CDC20: variants seen among roughly 807,000 people sequenced by gnomAD.
The protein encoded by CDC20 is cell division cycle protein 20 homolog.
Under a neutral mutation model 60.0 loss-of-function variants are expected in CDC20, and 34 were observed. The observed-to-expected ratio is 0.57, with a 90% confidence interval of 0.43 to 0.75. The LOEUF is 0.75. Ranked by LOEUF, CDC20 falls within the 30% of genes least tolerant of loss-of-function variation. The pLI is 0.00. For synonymous variants in CDC20, 198 were observed against 243.5 expected, an observed-to-expected ratio of 0.81 and a Z score of 1.74; for missense variants, 469 against 647.3, an observed-to-expected ratio of 0.72 and a Z score of 2.99.
Position 43,360,967 on chromosome 1 carries a change from T to C in CDC20, c.1077+6T>C. On this transcript the variant is annotated splice_donor_region_variant and intron_variant, in intron 8 of 10. Coordinates refer to ENST00000310955, the MANE Select transcript of CDC20 (RefSeq NM_001255.3). ...AGCATCAAGGGGCTGTCAAGGTGAG[T>C]AGGGTTGGGCTGAAGCCTCTGCAGA... is the stretch of plus-strand genomic sequence containing the variant. 3 of 1,611,050 alleles carry C rather than the reference T, an allele frequency of 1.9e-6. No homozygotes were observed. The highest frequency in any genetic ancestry group is 2.5e-6 in the Non-Finnish European group (3 of 1,177,430).
Position 43,360,393 on chromosome 1 carries a change from A to C in CDC20, c.753+4A>C. On this transcript the variant is annotated splice_donor_region_variant and intron_variant, in intron 6 of 10. Transcript: ENST00000310955. ...CACCAGCAGTGCTGAGGTGCAGGTG[A>C]GACGTGTCCAGTGCTGTCATTCTCA... 1 of 1,613,960 alleles carries C rather than the reference A, an allele frequency of 6.2e-7. No homozygotes were observed. The highest frequency in any genetic ancestry group is 8.5e-7 in the Non-Finnish European group (1 of 1,179,790).
chr1:43,362,795 G>A (rs944351337), intron 10 of CDC20, among the ~76,000 whole-genome samples, 156 bp from the exon 11 acceptor site: 1 of 152,190 alleles, frequency 6.6e-6, no homozygotes, highest in Non-Finnish European at 1.5e-5. Flanking sequence ...AACCCAGGAG[G>A]CGGAGCTTGC....
In CDC20 at chr1:43,359,269, A is replaced by C; in HGVS notation, c.54A>C (p.Ala18=). ...SDLHSLLQLD[A]PIPNAPPARW... ...TGCACTCGCTGCTTCAGCTGGATGC[A>C]CCCATCCCCAATGCACCCCCTGCGC... The change falls in exon 2 of 11, where the codon GCA becomes GCC. Residue 18 remains alanine, a synonymous_variant. Transcript: ENST00000310955. 1 of 1,611,884 alleles carries C rather than the reference A, an allele frequency of 6.2e-7. No homozygotes were observed. Among genetic ancestry groups the C allele is most frequent in the South Asian group, 1.1e-5 (1 of 91,006 alleles).
chr1:43,360,374 C>CA lies in CDC20; in HGVS notation c.739dup (p.Ser247LysfsTer3). The CA allele has an allele frequency of 6.2e-7, 1 of 1,614,138 alleles. No homozygotes were observed. On this transcript the variant is annotated frameshift_variant, in exon 6 of 11. Coordinates refer to ENST00000310955, the MANE Select transcript of CDC20 (RefSeq NM_001255.3). LOFTEE classifies it high-confidence loss of function. Reference sequence around the variant, plus strand: ...GCAACTACTTGGCTGTGGGCACCAGCAGTGCTGAGGTGCAGGTGAGACGTG... The same window carrying CA: ...GCAACTACTTGGCTGTGGGCACCAGCAAGTGCTGAGGTGCAGGTGAGACGTG...
intron 4 of CDC20, 68 bp from the exon 5 acceptor site, chr1:43,359,901 C>T (rs1647163570): frequency 2.5e-6 from 4 of 1,610,284 alleles, no homozygotes; most frequent in African/African-American, 2.7e-5. Context: ...GTCTCCTCTT[C>T]CTATCTAAGA....
Position 43,360,051 on chromosome 1 carries a change from C to T in CDC20, c.510C>T (p.Ser170=). The T allele has an allele frequency of 6.2e-7, 1 of 1,614,258 alleles. No individual in the cohort carries two copies. The highest frequency in any genetic ancestry group is 8.5e-7 in the Non-Finnish European group (1 of 1,180,052). The change falls in exon 5 of 11, where the codon TCC becomes TCT. Residue 170 remains serine, a synonymous_variant. Coordinates refer to ENST00000310955, the MANE Select transcript of CDC20 (RefSeq NM_001255.3). ...SSRKTCRYIP[S]LPDRILDAPE... ...GGAAGACCTGCCGTTACATTCCTTC[C>T]CTGCCAGACCGTATCCTGGATGCGC...
chr1:43,359,723 A>G lies in CDC20; in HGVS notation c.331-2A>G. ...TTGCTCCTTCACTACCCTTTATGCC[A>G]GGAACATCAGAAAGCCTGGGCTTTG... On this transcript the variant is annotated splice_acceptor_variant, in intron 3 of 10. Coordinates refer to ENST00000310955, the MANE Select transcript of CDC20 (RefSeq NM_001255.3). LOFTEE classifies it high-confidence loss of function. The G allele has an allele frequency of 1.9e-6, 3 of 1,613,882 alleles. No individual in the cohort carries two copies. Among genetic ancestry groups the G allele is most frequent in the Non-Finnish European group, 2.5e-6 (3 of 1,180,020 alleles).
chr1:43,361,519 C>A (rs11210838), intron 9 of CDC20, among the ~76,000 whole-genome samples: 14,272 of 152,238 alleles, frequency 0.094, 913 homozygotes, highest in Non-Finnish European at 0.14. Flanking sequence ...AATGGCAGAA[C>A]CTGCTCAGAA....
chr1:43,359,110 C>T, intron 1 of CDC20, 57 bp from the exon 2 acceptor site: 1 of 1,211,272 alleles, frequency 8.3e-7, no homozygotes, highest in South Asian at 1.3e-5. Context: ...TTGTGGCCGG[C>T]CAGGAGCGAA....
chr1:43,359,459 G>T (rs756713922), intron 2 of CDC20, 31 bp from the exon 3 acceptor site: 2 of 1,613,640 alleles, frequency 1.2e-6, no homozygotes, highest in Non-Finnish European at 1.7e-6. Context: ...TGGGGAGCCT[G>T]GTCAGACTGT....
rs1336454541 is a variant in CDC20, at chr1:43,360,588, G to A, written c.843G>A (p.Leu281=). The A allele has an allele frequency of 1.2e-6, 2 of 1,613,328 alleles. No individual in the cohort carries two copies. The highest frequency in any genetic ancestry group is 2.2e-5 in the East Asian group (1 of 44,882). ...CCCTAAGCTGGAACAGCTATATCCTGTCCAGGTCAGTGGTTTTTGTTGGTC... is the reference window on the plus strand; with the variant it reads ...CCCTAAGCTGGAACAGCTATATCCTATCCAGGTCAGTGGTTTTTGTTGGTC... ...VGSLSWNSYI[L]SSGSRSGHIH... Residue 281 remains leucine (L), a synonymous_variant, in exon 7 of 11, where the codon CTG becomes CTA. Transcript: ENST00000310955.
In CDC20 at chr1:43,362,974, C is replaced by T. The variant is rs983182236; in HGVS notation, c.1345C>T (p.Leu449=). ...LKGHTSRVLS[L]TMSPDGATVA... is the part of the protein sequence containing the mutation. ...AGGTCACACATCCCGGGTCCTGAGT[C>T]TGACCATGAGCCCAGATGGGGCCAC... The change falls in exon 11 of 11, where the codon CTG becomes TTG. Residue 449 remains leucine, a synonymous_variant. Transcript: ENST00000310955. The T allele has an allele frequency of 1.9e-6, 3 of 1,601,370 alleles. No homozygotes were observed. The highest frequency in any genetic ancestry group is 2.7e-5 in the African/African-American group (2 of 73,984).
rs1254851682 is a variant in CDC20, at chr1:43,359,439, A to G, written c.181+43A>G. On this transcript the variant is annotated intron_variant, in intron 2 of 10. Transcript: ENST00000310955. ...GGAACTGAGTGAGAGCAGCCTTCATACTTTCTCCCTGGGGAGCCTGGTCAG... is the reference window on the plus strand; with the variant it reads ...GGAACTGAGTGAGAGCAGCCTTCATGCTTTCTCCCTGGGGAGCCTGGTCAG... 4.3e-6 allele frequency: 7 copies of G among 1,613,068 alleles called. No homozygotes were observed. In the East Asian group the frequency reaches 1.6e-4, roughly 36 times the overall value.
In CDC20 at chr1:43,360,543, T is replaced by G. The variant is rs780944056; in HGVS notation, c.798T>G (p.Ser266Arg). The G allele has an allele frequency of 7.4e-6, 12 of 1,614,128 alleles. No homozygotes were observed. The highest frequency in any genetic ancestry group is 1.0e-5 in the Non-Finnish European group (12 of 1,179,950). Residue 266 changes from serine (S) to arginine (R), a missense_variant, in exon 7 of 11, where the codon AGT becomes AGG. By Grantham distance (110) the Ser-to-Arg change is moderately radical (BLOSUM62 -1). Transcript: ENST00000310955. ...QQQKRLRNMT[S>R]HSARVGSLSW... ...AGAAACGGCTTCGAAATATGACCAG[T>G]CACTCTGCCCGAGTGGGCTCCCTAA... is the stretch of plus-strand genomic sequence containing the variant.
At position 43,360,714 on chromosome 1, in the gene CDC20, C is replaced by T. The variant is rs747428747; in HGVS notation, c.849-19C>T. 6.2e-7 allele frequency: 1 copy of T among 1,605,470 alleles called. No homozygotes were observed. The highest frequency in any genetic ancestry group is 8.5e-7 in the Non-Finnish European group (1 of 1,172,656). On this transcript the variant is annotated intron_variant, in intron 7 of 10. Transcript: ENST00000310955. ...TTTGGTGCTGCCACAGAACCTGATTCCCTTCTTTCCTCCTCCAGTGGTTCA... is the reference window on the plus strand; with the variant it reads ...TTTGGTGCTGCCACAGAACCTGATTTCCTTCTTTCCTCCTCCAGTGGTTCA...
rs768386993 is a variant in CDC20, at chr1:43,362,978, C to G, written c.1349C>G (p.Thr450Ser). Residue 450 changes from threonine to serine, a missense_variant, in exon 11 of 11, where the codon ACC becomes AGC. Physicochemically the swap from Thr to Ser is moderately conservative, Grantham distance 58. Transcript: ENST00000310955. ...KGHTSRVLSL[T>S]MSPDGATVAS... ...CACACATCCCGGGTCCTGAGTCTGA[C>G]CATGAGCCCAGATGGGGCCACAGTG... 1 of 1,604,116 alleles carries G rather than the reference C, an allele frequency of 6.2e-7. No homozygotes were observed. Among genetic ancestry groups the G allele is most frequent in the Non-Finnish European group, 8.5e-7 (1 of 1,177,114 alleles).
In CDC20 at chr1:43,359,399, C is replaced by A; in HGVS notation, c.181+3C>A. 2 of 1,612,690 alleles carry A rather than the reference C, an allele frequency of 1.2e-6. No homozygotes were observed. The highest frequency in any genetic ancestry group is 1.7e-6 in the Non-Finnish European group (2 of 1,179,314). ...CAGGACTCCGGGCCGAACTCCTGGT[C>A]AGTGAGGTGCCAAAGGAACTGAGTG... On this transcript the variant is annotated splice_donor_region_variant and intron_variant, in intron 2 of 10. Coordinates refer to ENST00000310955, the MANE Select transcript of CDC20 (RefSeq NM_001255.3).
chr1:43,359,179 A>T lies in CDC20; in HGVS notation c.-37A>T. 1 of 1,607,832 alleles carries T rather than the reference A, an allele frequency of 6.2e-7. No individual in the cohort carries two copies. Among genetic ancestry groups the T allele is most frequent in the Non-Finnish European group, 8.5e-7 (1 of 1,176,784 alleles). Reference sequence around the variant, plus strand: ...TCCTTTCCTCCAGGGCTCCGTAGGCACCAACTGCAAGGACCCCTCCCCCTG... The same window carrying T: ...TCCTTTCCTCCAGGGCTCCGTAGGCTCCAACTGCAAGGACCCCTCCCCCTG... On this transcript the variant is annotated 5_prime_UTR_variant, in exon 2 of 11. Coordinates refer to ENST00000310955, the MANE Select transcript of CDC20 (RefSeq NM_001255.3).
Position 43,360,378 on chromosome 1 carries a change from G to A in CDC20, c.742G>A (p.Ala248Thr). ...GNYLAVGTSSAEVQLWDVQQQ... is the reference protein window; with the variant it reads ...GNYLAVGTSSTEVQLWDVQQQ... The stretch of plus-strand genomic sequence containing the variant: ...CTACTTGGCTGTGGGCACCAGCAGT[G>A]CTGAGGTGCAGGTGAGACGTGTCCA... Residue 248 changes from alanine (A) to threonine (T), a missense_variant, in exon 6 of 11, where the codon GCT (alanine) becomes ACT (threonine). Coordinates refer to ENST00000310955, the MANE Select transcript of CDC20 (RefSeq NM_001255.3). 1 of 1,614,134 alleles carries A rather than the reference G, an allele frequency of 6.2e-7. No individual in the cohort carries two copies. Among genetic ancestry groups the A allele is most frequent in the East Asian group, 2.2e-5 (1 of 44,890 alleles).
Sources: gnomAD v4.1 joint callset for allele counts (sites outside exome capture counted in the v4.1 genomes callset) on GRCh38, gnomAD v4.1.1 for gene constraint, MANE v1.5 for transcripts, NCBI Gene and HGNC (gene_info 2026-07-23, HGNC 2026-07-21) for gene names.